Variants in ZNF280D observed in about 807,000 individuals in gnomAD.
ZNF280D encodes suppressor of hairy wing homolog 4.
In ZNF280D, 39 loss-of-function variants were observed where a neutral mutation model predicts 94.7. The observed-to-expected ratio is 0.41, with a 90% CI of 0.32 to 0.54. ZNF280D has a LOEUF of 0.54. ZNF280D is among the 20% of genes least tolerant of loss of function. ZNF280D has a pLI of 0.22. For missense variants in ZNF280D, 1,090 were observed against 1,149.3 expected (o/e 0.95, Z 0.75); for synonymous variants, 398 against 377.6 (o/e 1.05, Z -0.63).
intron 16 of ZNF280D, 135 bp from the exon 17 acceptor site, chr15:56,658,621 T>A: frequency 1.7e-6 from 1 of 578,400 alleles, no homozygotes. Context: ...ATAATGCCTG[T>A]CACTTCCATT....
intron 1 of ZNF280D, among the ~76,000 whole-genome samples, chr15:56,726,739 T>G (rs1376673228): frequency 6.6e-6 from 1 of 152,202 alleles, no homozygotes; most frequent in Non-Finnish European, 1.5e-5. Flanking sequence ...TTTCTTATAG[T>G]TTTGCAAAAA....
chr15:56,639,891 T>TTAGG (rs1424709986), intron 20 of ZNF280D, among the ~76,000 whole-genome samples: 4 of 151,958 alleles, frequency 2.6e-5, no homozygotes, highest in Non-Finnish European at 5.9e-5. Flanking sequence ...AAGCACAGGC[T>TTAGG]TAGGGAGCAA....
rs2055419081 is a variant in ZNF280D at position 56,678,749 on chromosome 15, G to C, written c.1077C>G (p.Thr359=). 2.5e-6 allele frequency: 4 copies of C among 1,613,238 alleles called. No homozygotes were observed. The highest frequency in any genetic ancestry group is 2.7e-5 in the African/African-American group (2 of 75,008). The change falls in exon 11 of 22, where the codon ACC becomes ACG. Residue 359 remains threonine (T), a synonymous_variant. Coordinates refer to ENST00000267807, the MANE Select transcript of ZNF280D (RefSeq NM_017661.4). ...GAAACTGACGGTAGCAGTGCTGGCA[G>C]GTGGTATGGTTTTCCCAGCTCTCAC... is the stretch of plus-strand genomic sequence containing the variant. ...QSSESWENHT[T]CQHCYRQFPT...
chr15:56,688,881 A>G (rs1188074707), intron 9 of ZNF280D, 160 bp downstream of exon 9: 1 of 444,326 alleles, frequency 2.3e-6, no homozygotes, highest in African/African-American at 2.0e-5. Flanking sequence ...ATTTAGAAGG[A>G]ATTTGAGAAT....
At chr15:56,670,586 C>A (rs1652890852) in intron 13 of ZNF280D, among the ~76,000 whole-genome samples, 1 of 151,892 alleles carries the variant, frequency 6.6e-6, no homozygotes, top group South Asian at 2.1e-4. Context: ...TCATCCAGTC[C>A]ACCACTGATG....
At position 56,651,881 on chromosome 15, in the gene ZNF280D, T is replaced by A. The variant is rs138329397; in HGVS notation, c.2213+2317A>T. ...GATTGACTGTACTCCTACATTACTA[T>A]ATTAACAATGTGGTTTATCCTGCTT... On this transcript the variant is annotated intron_variant, in intron 19 of 21. Coordinates refer to ENST00000267807, the MANE Select transcript of ZNF280D (RefSeq NM_017661.4). Among the ~76,000 whole-genome samples, 34 of 152,338 alleles carry A rather than the reference T, an allele frequency of 2.2e-4. No individual in the cohort carries two copies. The East Asian group carries it at 6.6e-3, about 29-fold the overall frequency.
chr15:56,694,902 A>T (rs1403773697), intron 6 of ZNF280D, among the ~76,000 whole-genome samples: 1 of 152,214 alleles, frequency 6.6e-6, no homozygotes, highest in African/African-American at 2.4e-5. Context: ...GGTAAGGGGT[A>T]TATGGGAACT....
chr15:56,667,931 G>A (rs1205312782), intron 14 of ZNF280D: 1 of 197,852 alleles, frequency 5.1e-6, no homozygotes, highest in Admixed American at 5.4e-5. Flanking sequence ...AAAACATTTA[G>A]TATCATTATC....
At position 56,631,038 on chromosome 15, in the gene ZNF280D, A is replaced by G. The variant is rs2052050266; in HGVS notation, c.*460T>C. On this transcript the variant is annotated 3_prime_UTR_variant, in exon 22 of 22. Coordinates refer to ENST00000267807, the MANE Select transcript of ZNF280D (RefSeq NM_017661.4). Reference sequence around the variant, plus strand: ...AATAAAGCCTTCATTAACAATGCCAATCAGCCATTGTTTTTAATCAATTAC... The same window carrying G: ...AATAAAGCCTTCATTAACAATGCCAGTCAGCCATTGTTTTTAATCAATTAC... 1 of 158,492 alleles carries G rather than the reference A, an allele frequency of 6.3e-6. No homozygotes were observed. The highest frequency in any genetic ancestry group is 1.4e-5 in the Non-Finnish European group (1 of 71,490). The allele number at this position is 158,492 out of a possible 1,614,324, so 9.8% of individuals were successfully genotyped here. A position where few individuals can be genotyped will look rare whatever the true frequency, so the allele number is the denominator to read the frequency against.
chr15:56,658,678 A>C (rs775603292), intron 16 of ZNF280D, among the ~76,000 whole-genome samples, 192 bp from the exon 17 acceptor site: 9 of 152,138 alleles, frequency 5.9e-5, no homozygotes, highest in Non-Finnish European at 1.2e-4. Context: ...TTATATTCTA[A>C]TGACACTATT....
intron 19 of ZNF280D, among the ~76,000 whole-genome samples, chr15:56,649,953 C>T (rs1207845793): frequency 6.6e-6 from 1 of 151,848 alleles, no homozygotes; most frequent in South Asian, 2.1e-4. Context: ...GCTATTTCAC[C>T]TTGAGAATAG....
At chr15:56,678,332 GTAGTTCTTTT>G (rs1451602162) in intron 11 of ZNF280D, among the ~76,000 whole-genome samples, 5 of 152,116 alleles carry the variant, frequency 3.3e-5, no homozygotes, top group African/African-American at 1.2e-4. Flanking sequence ...AACTAAAACA[GTAGTTCTTTT>G]TCCTATTAAA....
At position 56,709,979 on chromosome 15, in the gene ZNF280D, C is replaced by T. The variant is rs887702989; in HGVS notation, c.-85-2673G>A. 2.0e-5 allele frequency among the ~76,000 whole-genome samples: 3 copies of T among 152,228 alleles called. No individual in the cohort carries two copies. In the East Asian group the frequency reaches 5.8e-4, roughly 29 times the overall value. ...ATATGTAACAAACCTGCATGTTGTG[C>T]ACATGTACCCTAGAACTTAAAGTAT... On this transcript the variant is annotated intron_variant, in intron 1 of 21. Coordinates refer to ENST00000267807, the MANE Select transcript of ZNF280D (RefSeq NM_017661.4).
chr15:56,677,975 G>C (rs2055348080), intron 11 of ZNF280D, among the ~76,000 whole-genome samples: 1 of 151,156 alleles, frequency 6.6e-6, no homozygotes. Context: ...TTAAAACCAA[G>C]CTATCTTGCT....
chr15:56,668,696 A>T, intron 14 of ZNF280D, 127 bp downstream of exon 14: 1 of 886,564 alleles, frequency 1.1e-6, no homozygotes, highest in Non-Finnish European at 1.6e-6. Context: ...ACATAAAATT[A>T]AAACCTAAAA....
intron 19 of ZNF280D, chr15:56,653,795 A>G: frequency 7.9e-7 from 1 of 1,269,052 alleles, no homozygotes; most frequent in Non-Finnish European, 9.9e-7. Context: ...AGCAAAGAAA[A>G]GACCATAGCA....
rs1268059920 is a variant in ZNF280D, at chr15:56,707,194, C to T, written c.-41-44G>A. The T allele has an allele frequency of 5.0e-6, 8 of 1,607,826 alleles. No individual in the cohort carries two copies. The Admixed American group carries it at 6.7e-5, about 13-fold the overall frequency. On this transcript the variant is annotated intron_variant, in intron 2 of 21. Coordinates refer to ENST00000267807, the MANE Select transcript of ZNF280D (RefSeq NM_017661.4). ...CAATTTAATGAGTCACTTTAAGTAACACCAAATATTGAAACATGAAACTTG... is the reference window on the plus strand; with the variant it reads ...CAATTTAATGAGTCACTTTAAGTAATACCAAATATTGAAACATGAAACTTG...
At chr15:56,641,656 T>C (rs1285112520) in intron 20 of ZNF280D, among the ~76,000 whole-genome samples, 1 of 151,880 alleles carries the variant, frequency 6.6e-6, no homozygotes, top group Non-Finnish European at 1.5e-5. Context: ...CATTTTCTTC[T>C]GTTAAATTAT....
chr15:56,682,281 C>A lies in ZNF280D; in HGVS notation c.977G>T (p.Cys326Phe), dbSNP rs1368440575. 1 of 1,568,628 alleles carries A rather than the reference C, an allele frequency of 6.4e-7. No homozygotes were observed. Among genetic ancestry groups the A allele is most frequent in the Non-Finnish European group, 8.6e-7 (1 of 1,166,262 alleles). The change falls in exon 10 of 22, where the codon TGC (cysteine) becomes TTC (phenylalanine). Residue 326 changes from cysteine to phenylalanine, a missense_variant. Coordinates refer to ENST00000267807, the MANE Select transcript of ZNF280D (RefSeq NM_017661.4). The stretch of plus-strand genomic sequence containing the variant: ...AATGTTATTTTTTAGAATTTTCAAG[C>A]AACTGAAGCATTTAAAGGTTGTGTG... ...KTHTTFKCFS[C>F]LKILKNNIRF...
Sources: gnomAD v4.1 joint callset for allele counts (sites outside exome capture counted in the v4.1 genomes callset) on GRCh38, gnomAD v4.1.1 for gene constraint, MANE v1.5 for transcripts, NCBI Gene and HGNC (gene_info 2026-07-23, HGNC 2026-07-21) for gene names.